Variants in DOCK4 observed in about 807,000 individuals in gnomAD.
DOCK4 encodes dedicator of cytokinesis 4.
DOCK4 carries 97 observed loss-of-function variants against 268.1 expected under a neutral mutation model. That is an observed-to-expected ratio of 0.36 (90% CI 0.31 to 0.43). The LOEUF is 0.43. Among genes scored for constraint, DOCK4 ranks in the 20% least tolerant of loss-of-function variants. The pLI, the probability that DOCK4 is intolerant of heterozygous loss-of-function variation, is 1.00. For missense variants in DOCK4, 2,145 were observed against 2,455.7 expected (o/e 0.87, Z 2.67); for synonymous variants, 954 against 887.2 (o/e 1.08, Z -1.34).
In DOCK4 at chr7:111,859,551, C is replaced by T. The variant is rs145548811; in HGVS notation, c.2473+3821G>A. 3.3e-5 allele frequency among the ~76,000 whole-genome samples: 5 copies of T among 149,410 alleles called. No individual in the cohort carries two copies. In the East Asian group the frequency reaches 9.8e-4, roughly 29 times the overall value. ...CTTTTGCTGTTGTAAAAATTGTGTA[C>T]GTGTGTGTTAATTTTTTTTTTTTTT... is the stretch of plus-strand genomic sequence containing the variant. On this transcript the variant is annotated intron_variant, in intron 23 of 52. Transcript: ENST00000428084.
intron 39 of DOCK4, among the ~76,000 whole-genome samples, chr7:111,760,802 C>G (rs1351532872): frequency 6.7e-6 from 1 of 149,194 alleles, no homozygotes; most frequent in Non-Finnish European, 1.5e-5. Context: ...GTTCATGATG[C>G]TCTCCTTCAG....
At chr7:111,738,790 T>C (rs534077964) in intron 49 of DOCK4, among the ~76,000 whole-genome samples, 130 of 152,230 alleles carry the variant, frequency 8.5e-4, no homozygotes, top group African/African-American at 3.0e-3. Flanking sequence ...ATACAAAAAT[T>C]AGCCATGTGT....
chr7:112,080,477 G>A (rs1296810800), intron 1 of DOCK4, among the ~76,000 whole-genome samples: 4 of 152,140 alleles, frequency 2.6e-5, no homozygotes, highest in African/African-American at 9.7e-5. Context: ...ATAGAGAAAT[G>A]TTACATATCT....
At chr7:112,129,941 A>G (rs1274059110) in intron 1 of DOCK4, among the ~76,000 whole-genome samples, 2 of 152,190 alleles carry the variant, frequency 1.3e-5, no homozygotes, top group Non-Finnish European at 2.9e-5. Context: ...GCATTAACAT[A>G]TCCATAATCT....
intron 1 of DOCK4, among the ~76,000 whole-genome samples, chr7:112,025,293 T>C (rs1365889857): frequency 6.6e-6 from 1 of 152,162 alleles, no homozygotes; most frequent in African/African-American, 2.4e-5. Context: ...CCAATTAGGC[T>C]CTATGCAAGG....
intron 8 of DOCK4, among the ~76,000 whole-genome samples, chr7:111,970,247 T>G (rs969024525): frequency 6.6e-6 from 1 of 152,098 alleles, no homozygotes; most frequent in African/African-American, 2.4e-5. Flanking sequence ...AGAATACAGA[T>G]TCCTACATAA....
intron 30 of DOCK4, among the ~76,000 whole-genome samples, chr7:111,796,196 T>C (rs1314558718): frequency 6.6e-6 from 1 of 152,170 alleles, no homozygotes; most frequent in African/African-American, 2.4e-5. Flanking sequence ...TTACCTTGGC[T>C]TGAGTGTCAG....
intron 17 of DOCK4, among the ~76,000 whole-genome samples, chr7:111,875,361 C>A (rs1251156911): frequency 6.6e-6 from 1 of 152,174 alleles, no homozygotes; most frequent in African/African-American, 2.4e-5. Context: ...ATAATTGTGT[C>A]TAACATCCTA....
At chr7:111,729,633 CCCAAAAACCTAAAAACG>C (rs1372668201) in intron 52 of DOCK4, among the ~76,000 whole-genome samples, 3 of 152,112 alleles carry the variant, frequency 2.0e-5, no homozygotes, top group Non-Finnish European at 2.9e-5. Context: ...GGCCAAAAAC[CCCAAAAACCTAAAAACG>C]CCATAAAACC....
intron 1 of DOCK4, among the ~76,000 whole-genome samples, chr7:112,110,317 A>T (rs1232057173): frequency 6.6e-6 from 1 of 152,226 alleles, no homozygotes; most frequent in Non-Finnish European, 1.5e-5. Flanking sequence ...GGGTTTGTGC[A>T]GTGGCATGCA....
intron 35 of DOCK4, among the ~76,000 whole-genome samples, chr7:111,779,039 G>A (rs536660694): frequency 6.7e-6 from 1 of 148,608 alleles, no homozygotes; most frequent in Non-Finnish European, 1.5e-5. Context: ...TGGTGACAGA[G>A]AAAGACTCCG....
rs138717597 is a variant in DOCK4, at chr7:111,841,747, C to A, written c.2736+3016G>T. Among the ~76,000 whole-genome samples the A allele has an allele frequency of 1.4e-3, 213 of 152,232 alleles. 6 individuals carry two copies. The East Asian group carries it at 0.034, about 24-fold the overall frequency. ...TGTGATTTTCTTATAATTTAGTACACAGGACAATCACTCTGCCTGCCCTAC... is the reference window on the plus strand; with the variant it reads ...TGTGATTTTCTTATAATTTAGTACAAAGGACAATCACTCTGCCTGCCCTAC... On this transcript the variant is annotated intron_variant, in intron 25 of 52. Transcript: ENST00000428084.
In DOCK4 at chr7:111,849,409, C is replaced by T. The variant is rs374126011; in HGVS notation, c.2474-2283G>A. ...TCCCCAGTAGCTGGGACTACATGCA[C>T]GTGCCATCACGCCCAGCTAGTTTTT... On this transcript the variant is annotated intron_variant, in intron 23 of 52. Transcript: ENST00000428084. 8.9e-4 allele frequency among the ~76,000 whole-genome samples: 136 copies of T among 152,084 alleles called. 2 individuals carry two copies. The highest frequency in any genetic ancestry group is 1.0e-3 in the Non-Finnish European group (68 of 68,000).
In DOCK4 at chr7:112,085,547, C is replaced by T. The variant is rs891544083; in HGVS notation, c.38-81416G>A. On this transcript the variant is annotated intron_variant, in intron 1 of 52. Coordinates refer to ENST00000428084, the MANE Select transcript of DOCK4 (RefSeq NM_001363540.2). ...AGTATCAAGCATTTATCTTACCTTT[C>T]CTGTAAAAAGTGTATTTCAAGGTAA... Among the ~76,000 whole-genome samples the T allele has an allele frequency of 5.3e-5, 8 of 152,200 alleles. No individual in the cohort carries two copies. In the South Asian group the frequency reaches 1.7e-3, roughly 32 times the overall value.
rs1010287721 is a variant in DOCK4, at chr7:111,935,889, C to A, written c.978-261G>T. On this transcript the variant is annotated intron_variant, in intron 11 of 52. Transcript: ENST00000428084. ...TCGCAGATTACAAGTGGCCCCAAAACAGACAGAAATCTCAGAGAACAATGT... is the reference window on the plus strand; with the variant it reads ...TCGCAGATTACAAGTGGCCCCAAAAAAGACAGAAATCTCAGAGAACAATGT... Among the ~76,000 whole-genome samples, 5 of 152,172 alleles carry A rather than the reference C, an allele frequency of 3.3e-5. No homozygotes were observed. In the South Asian group the frequency reaches 1.0e-3, roughly 31 times the overall value.
chr7:111,895,843 G>T, intron 15 of DOCK4, 125 bp from the exon 16 acceptor site: 1 of 849,222 alleles, frequency 1.2e-6, no homozygotes, highest in Non-Finnish European at 1.9e-6. Context: ...ATGCAGCACA[G>T]CTTTTCTGAT....
chr7:111,956,578 A>G (rs1415961554), intron 8 of DOCK4, among the ~76,000 whole-genome samples: 8 of 152,312 alleles, frequency 5.3e-5, no homozygotes, highest in Non-Finnish European at 1.5e-5. Flanking sequence ...AAGAGGTTAA[A>G]TATCTCCACA....
At chr7:112,190,220 T>C (rs1225790040) in intron 1 of DOCK4, among the ~76,000 whole-genome samples, 1 of 152,180 alleles carries the variant, frequency 6.6e-6, no homozygotes, top group Non-Finnish European at 1.5e-5. Flanking sequence ...GTTAGCTCTG[T>C]GTTACCCTCT....
intron 22 of DOCK4, among the ~76,000 whole-genome samples, chr7:111,864,261 G>A (rs1180107719): frequency 2.7e-5 from 4 of 147,042 alleles, no homozygotes; most frequent in Non-Finnish European, 3.0e-5. Context: ...AAAAAAACCC[G>A]ATCATCATTT....
Sources: gnomAD v4.1 joint callset for allele counts (sites outside exome capture counted in the v4.1 genomes callset) on GRCh38, gnomAD v4.1.1 for gene constraint, MANE v1.5 for transcripts, NCBI Gene and HGNC (gene_info 2026-07-23, HGNC 2026-07-21) for gene names.